ASIC2: variants seen among roughly 807,000 people sequenced by gnomAD.
The protein encoded by ASIC2 is acid sensing ion channel subunit 2.
Under a neutral mutation model 57.3 loss-of-function variants are expected in ASIC2, and 25 were observed. That is an observed-to-expected ratio of 0.44 (90% CI 0.32 to 0.61). The LOEUF is 0.61. Among genes scored for constraint, ASIC2 ranks in the 20% least tolerant of loss-of-function variants. The pLI is 0.06. For missense variants in ASIC2, 641 were observed against 738.1 expected, an observed-to-expected ratio of 0.87 and a Z score of 1.52; for synonymous variants, 319 against 307.5, an observed-to-expected ratio of 1.04 and a Z score of -0.39.
At chr17:33,405,487 C>CTTTTTTTT (rs35049672) in intron 1 of ASIC2, among the ~76,000 whole-genome samples, 1 of 135,306 alleles carries the variant, frequency 7.4e-6, no homozygotes. Context: ...TTTTTTCTTT[C>CTTTTTTTT]TTTTTTTTTT....
intron 1 of ASIC2, among the ~76,000 whole-genome samples, chr17:34,036,378 G>C (rs1253687605): frequency 1.8e-5 from 2 of 110,104 alleles, no homozygotes; most frequent in South Asian, 3.8e-4. Flanking sequence ...GTTGTGGGGT[G>C]GGGGGAGGGG....
rs148938841 is a variant in ASIC2, at chr17:34,043,118, C to T, written c.555+112860G>A. On this transcript the variant is annotated intron_variant, in intron 1 of 9. Coordinates refer to the ASIC2 transcript ENST00000359872. ...CCCATGGTGTTAGAAATTAAGAGAG[C>T]ATTGACTTTTAGGGAAGAAGGAAGG... Among the ~76,000 whole-genome samples the T allele has an allele frequency of 4.1e-3, 622 of 152,138 alleles. 3 individuals carry two copies. The highest frequency in any genetic ancestry group is 0.014 in the African/African-American group (585 of 41,522).
chr17:33,829,114 T>C (rs1913027784), intron 1 of ASIC2, among the ~76,000 whole-genome samples: 1 of 152,206 alleles, frequency 6.6e-6, no homozygotes, highest in Non-Finnish European at 1.5e-5. Flanking sequence ...TTCCAGCCTA[T>C]GCACTGGAGA....
chr17:33,297,697 G>A (rs999218030), upstream of ASIC2, among the ~76,000 whole-genome samples: 3 of 151,876 alleles, frequency 2.0e-5, no homozygotes, highest in African/African-American at 4.8e-5. Flanking sequence ...GGTGGTGCAC[G>A]TCTGTAGTTC....
intron 1 of ASIC2, among the ~76,000 whole-genome samples, chr17:34,115,172 G>A (rs1911391595): frequency 6.6e-6 from 1 of 152,228 alleles, no homozygotes; most frequent in South Asian, 2.1e-4. Flanking sequence ...ATTGCACACC[G>A]ACTATCCAAG....
chr17:33,128,403 G>T lies in ASIC2; in HGVS notation c.709-16336C>A, dbSNP rs148519701. Reference sequence around the variant, plus strand: ...TCTCCACACTAGACTATAAGCTCTAGGCTATCTTGCTTTTGCTCACTTCCT... The same window carrying T: ...TCTCCACACTAGACTATAAGCTCTATGCTATCTTGCTTTTGCTCACTTCCT... On this transcript the variant is annotated intron_variant, in intron 1 of 9. Coordinates refer to ENST00000225823, the MANE Select transcript of ASIC2 (RefSeq NM_183377.2). Among the ~76,000 whole-genome samples, 1,181 of 152,336 alleles carry T rather than the reference G, an allele frequency of 7.8e-3. 8 individuals are homozygous for T. Among genetic ancestry groups the T allele is most frequent in the South Asian group, 0.029 (140 of 4,828 alleles).
chr17:33,894,346 CGTGCGTGTGTGT>C (rs1484766074), intron 1 of ASIC2, among the ~76,000 whole-genome samples: 26 of 87,400 alleles, frequency 3.0e-4, no homozygotes, highest in African/African-American at 6.6e-4. Context: ...TGCGTGCGTG[CGTGCGTGTGTGT>C]GTGTGTGTGT....
chr17:34,140,340 G>A (rs1482301983), intron 1 of ASIC2, among the ~76,000 whole-genome samples: 1 of 152,200 alleles, frequency 6.6e-6, no homozygotes, highest in Non-Finnish European at 1.5e-5. Flanking sequence ...TGTTAGACTG[G>A]AATAAGCGGC....
At chr17:33,646,346 A>G (rs1405440144) in intron 1 of ASIC2, among the ~76,000 whole-genome samples, 1 of 152,178 alleles carries the variant, frequency 6.6e-6, no homozygotes, top group East Asian at 1.9e-4. Flanking sequence ...AAATAACCTT[A>G]TTTGAGGGAA....
Position 33,208,275 on chromosome 17 carries a change from G to A in ASIC2, c.708+83133C>T, listed in dbSNP as rs150689949. Among the ~76,000 whole-genome samples, 226 of 152,326 alleles carry A rather than the reference G, an allele frequency of 1.5e-3. 2 individuals carry two copies. The highest frequency in any genetic ancestry group is 5.2e-3 in the African/African-American group (217 of 41,568). On this transcript the variant is annotated intron_variant, in intron 1 of 9. Coordinates refer to ENST00000225823, the MANE Select transcript of ASIC2 (RefSeq NM_183377.2). ...ATCTGTTACTGAAGGTTAAAGTCAA[G>A]AACATGATTCCAGGTGGGGTAATCA...
intron 1 of ASIC2, among the ~76,000 whole-genome samples, chr17:33,954,626 C>T (rs1366763130): frequency 2.0e-5 from 3 of 152,214 alleles, no homozygotes; most frequent in Non-Finnish European, 4.4e-5. Flanking sequence ...AAGAGCTTCA[C>T]CAGTGCTGAC....
At chr17:34,062,932 C>T (rs574289536) in intron 1 of ASIC2, among the ~76,000 whole-genome samples, 3 of 152,152 alleles carry the variant, frequency 2.0e-5, no homozygotes, top group East Asian at 1.9e-4. Context: ...CAGAATTCTA[C>T]AAGACATTCA....
chr17:33,074,298 C>T (rs1258837674), intron 3 of ASIC2, among the ~76,000 whole-genome samples: 1 of 152,174 alleles, frequency 6.6e-6, no homozygotes, highest in Non-Finnish European at 1.5e-5. Flanking sequence ...AAAGCATGGT[C>T]CACAGGCCTC....
chr17:33,473,087 C>T (rs1361778875), intron 1 of ASIC2, among the ~76,000 whole-genome samples: 1 of 152,194 alleles, frequency 6.6e-6, no homozygotes, highest in Non-Finnish European at 1.5e-5. Context: ...CATCTTGCTG[C>T]CTGTTTACTT....
intron 2 of ASIC2, among the ~76,000 whole-genome samples, chr17:33,097,760 G>A (rs1281831418): frequency 6.6e-6 from 1 of 152,250 alleles, no homozygotes; most frequent in African/African-American, 2.4e-5. Context: ...GAAGCTCAGT[G>A]AGTGTGGGAC....
intron 1 of ASIC2, among the ~76,000 whole-genome samples, chr17:33,435,433 T>A (rs12601654): frequency 0.35 from 52,867 of 151,960 alleles, 9,258 homozygotes; most frequent in Middle Eastern, 0.43. Context: ...ATGAGTCCAT[T>A]TGAGTATCAA....
chr17:33,164,479 C>T (rs1227415749), intron 1 of ASIC2, among the ~76,000 whole-genome samples: 1 of 152,030 alleles, frequency 6.6e-6, no homozygotes, highest in East Asian at 1.9e-4. Context: ...GACCCAATTC[C>T]TCTTGGCTCA....
intron 1 of ASIC2, among the ~76,000 whole-genome samples, chr17:33,511,932 A>G (rs1914441848): frequency 6.6e-6 from 1 of 152,200 alleles, no homozygotes; most frequent in African/African-American, 2.4e-5. Flanking sequence ...CTCATGTGGT[A>G]ATGCAAACCA....
intron 1 of ASIC2, among the ~76,000 whole-genome samples, chr17:33,896,309 A>T (rs562122961): frequency 6.6e-6 from 1 of 152,334 alleles, no homozygotes; most frequent in South Asian, 2.1e-4. Context: ...AAATGCAATA[A>T]CTTCTAGAAT....
Sources: gnomAD v4.1 joint callset for allele counts (sites outside exome capture counted in the v4.1 genomes callset) on GRCh38, gnomAD v4.1.1 for gene constraint, MANE v1.5 for transcripts, NCBI Gene and HGNC (gene_info 2026-07-23, HGNC 2026-07-21) for gene names.